Variants in REPS2 observed in about 807,000 individuals in gnomAD.
REPS2 encodes the protein ralBP1-associated Eps domain-containing protein 2.
REPS2 carries 23 observed loss-of-function variants against 53.6 expected under a neutral mutation model. The observed-to-expected ratio is 0.43, with a 90% CI of 0.31 to 0.61. The LOEUF (loss-of-function observed/expected upper bound fraction) is 0.61. REPS2 is among the 20% of genes least tolerant of loss of function. The probability of loss-of-function intolerance (pLI) is 0.11; values close to 1 mark genes in which losing one functional copy is unlikely to be tolerated. For missense variants in REPS2, 446 were observed against 534.9 expected, an observed-to-expected ratio of 0.83 and a Z score of 1.64; for synonymous variants, 238 against 218.6, an observed-to-expected ratio of 1.09 and a Z score of -0.78.
chrX:16,949,730 AT>A lies in REPS2; in HGVS notation c.273+2607del, dbSNP rs368437089. ...GCCTTAACATATTTTTTAATAGACT[AT>A]TTTTTTTTTTCAGAGCAGTTTTAGG... is the stretch of plus-strand genomic sequence containing the variant. On this transcript the variant is annotated intron_variant, in intron 1 of 17. Transcript: ENST00000357277. 6.8e-3 allele frequency among the ~76,000 whole-genome samples: 711 copies of A among 104,352 alleles called. 9 individuals are homozygous for A. The highest frequency in any genetic ancestry group is 0.021 in the African/African-American group (612 of 28,871). The allele number at this position is 104,352 out of a possible 115,157, so 90.6% of individuals were successfully genotyped here.
At chrX:17,046,144 TA>T (rs1206828420) in intron 5 of REPS2, among the ~76,000 whole-genome samples, 27 of 107,025 alleles carry the variant, frequency 2.5e-4, no homozygotes, top group African/African-American at 9.4e-4. Flanking sequence ...TCATCTTTTT[TA>T]TTTATTTTTA....
chrX:17,039,399 G>T (rs1043814308), intron 5 of REPS2, among the ~76,000 whole-genome samples: 5 of 112,117 alleles, frequency 4.5e-5, no homozygotes, highest in Non-Finnish European at 9.4e-5. Flanking sequence ...TGTATGGCTA[G>T]CTCTAGGATT....
intron 17 of REPS2, among the ~76,000 whole-genome samples, chrX:17,140,645 A>G (rs1027794160): frequency 9.0e-6 from 1 of 110,554 alleles, no homozygotes. Context: ...TTCCCTGAAT[A>G]TTTTAGCATG....
At chrX:17,084,857 G>A (rs1365521134) in intron 13 of REPS2, among the ~76,000 whole-genome samples, 1 of 111,448 alleles carries the variant, frequency 9.0e-6, no homozygotes, top group East Asian at 2.8e-4. Flanking sequence ...TCTTTTTGAT[G>A]GTGTCCTTTG....
At chrX:17,030,733 T>A (rs930282977) in intron 5 of REPS2, among the ~76,000 whole-genome samples, 4 of 112,383 alleles carry the variant, frequency 3.6e-5, no homozygotes, top group Non-Finnish European at 7.5e-5. Flanking sequence ...ATAGTATAAG[T>A]GAGTTGACTG....
chrX:17,154,076 AC>A (rs2063593057), downstream of REPS2, among the ~76,000 whole-genome samples: 1 of 111,671 alleles, frequency 9.0e-6, no homozygotes, highest in African/African-American at 3.3e-5. Context: ...TGGTAGTGGG[AC>A]CCAGCAATCC....
At chrX:17,011,923 C>G (rs1455515779) in intron 2 of REPS2, among the ~76,000 whole-genome samples, 2 of 100,693 alleles carry the variant, frequency 2.0e-5, no homozygotes. Context: ...GATTGTGCCA[C>G]TGCACTCCAG....
chrX:17,016,130 T>A (rs1011947543), intron 2 of REPS2, among the ~76,000 whole-genome samples: 2 of 112,398 alleles, frequency 1.8e-5, no homozygotes, highest in African/African-American at 6.5e-5. Flanking sequence ...GGTGTCTCTC[T>A]GTGGTTTTGA....
rs1412587341 is a variant in REPS2, at chrX:17,152,528, A to C, written c.*5047A>C. ...TGAAGACCAGCAGACACCAGACTTT[A>C]AAAGTGCTTAAATTGGAATTTGGAA... On this transcript the variant is annotated 3_prime_UTR_variant, in exon 18 of 18. Transcript: ENST00000357277. The C allele has an allele frequency of 8.9e-6, 1 of 112,123 alleles. No homozygotes were observed. The allele number at this position is 112,123 out of a possible 1,213,427, so 9.2% of individuals were successfully genotyped here.
At chrX:16,996,437 G>A (rs2061235757) in intron 1 of REPS2, among the ~76,000 whole-genome samples, 1 of 111,763 alleles carries the variant, frequency 8.9e-6, no homozygotes, top group African/African-American at 3.3e-5. Context: ...CAAGAACAGG[G>A]TAGAAAGGCC....
chrX:17,179,424 A>G, the REPS2 span, among the ~76,000 whole-genome samples: 2 of 111,231 alleles, frequency 1.8e-5, no homozygotes, highest in South Asian at 3.9e-4. Context: ...GCCTAAGTGG[A>G]GAGAAACCAA....
intron 1 of REPS2, among the ~76,000 whole-genome samples, chrX:17,002,020 A>G (rs1393638052): frequency 1.8e-5 from 2 of 112,142 alleles, no homozygotes; most frequent in African/African-American, 6.5e-5. Flanking sequence ...GGGTGAGGAC[A>G]CAGCCAAACC....
intron 13 of REPS2, among the ~76,000 whole-genome samples, chrX:17,082,270 C>T (rs894594401): frequency 2.7e-5 from 3 of 111,960 alleles, no homozygotes; most frequent in African/African-American, 6.5e-5. Context: ...AGTTTCAGAC[C>T]GGGCATTTTC....
At chrX:17,008,452 A>G (rs2061388744) in intron 2 of REPS2, among the ~76,000 whole-genome samples, 1 of 112,132 alleles carries the variant, frequency 8.9e-6, no homozygotes, top group South Asian at 3.7e-4. Flanking sequence ...TGTGTAAAGG[A>G]TTAACAGTTT....
At chrX:17,108,795 C>G (rs1007528998) in intron 14 of REPS2, among the ~76,000 whole-genome samples, 2 of 110,961 alleles carry the variant, frequency 1.8e-5, no homozygotes, top group African/African-American at 3.3e-5. Flanking sequence ...CTAAAAATAG[C>G]ACTGGAAGGT....
At chrX:16,950,970 C>T (rs765061573) in intron 1 of REPS2, among the ~76,000 whole-genome samples, 1 of 112,160 alleles carries the variant, frequency 8.9e-6, no homozygotes, top group Admixed American at 9.4e-5. Flanking sequence ...TGCTTGAGCC[C>T]AGGAGTTCAA....
chrX:16,952,225 C>T (rs918001342), intron 1 of REPS2, among the ~76,000 whole-genome samples: 5 of 111,397 alleles, frequency 4.5e-5, no homozygotes, highest in African/African-American at 1.6e-4. Context: ...TATCTCTCCC[C>T]TAGCCCTGCA....
intron 1 of REPS2, among the ~76,000 whole-genome samples, chrX:16,987,925 G>A (rs969800083): frequency 1.8e-5 from 2 of 111,171 alleles, no homozygotes; most frequent in Non-Finnish European, 3.8e-5. Context: ...TCAGCGTTGT[G>A]CTAGAAATTC....
chrX:17,111,720 C>T (rs185807081), intron 14 of REPS2, among the ~76,000 whole-genome samples: 7 of 111,497 alleles, frequency 6.3e-5, no homozygotes, highest in African/African-American at 2.3e-4. Flanking sequence ...AGCTCTCTGG[C>T]TTTGTGGGAA....
Sources: gnomAD v4.1 joint callset for allele counts (sites outside exome capture counted in the v4.1 genomes callset) on GRCh38, gnomAD v4.1.1 for gene constraint, MANE v1.5 for transcripts, NCBI Gene and HGNC (gene_info 2026-07-23, HGNC 2026-07-21) for gene names.